The following BLTP3A variants were observed in gnomAD, a reference collection of about 807,000 sequenced individuals.
BLTP3A encodes bridge-like lipid transfer protein family member 3A.
chr6:34,839,289 C>G, the BLTP3A span, among the ~76,000 whole-genome samples: 1 of 152,166 alleles, frequency 6.6e-6, no homozygotes, highest in Non-Finnish European at 1.5e-5. Context: ...TCTCAGCCTA[C>G]CATACCCGGG....
At chr6:34,808,203 C>T in the BLTP3A span, among the ~76,000 whole-genome samples, 2 of 151,162 alleles carry the variant, frequency 1.3e-5, no homozygotes, top group Admixed American at 6.6e-5. Flanking sequence ...ATTAGCTGGG[C>T]GTGGTGGCGG....
chr6:34,841,465 T>C, the BLTP3A span, among the ~76,000 whole-genome samples: 2 of 152,260 alleles, frequency 1.3e-5, no homozygotes, highest in Non-Finnish European at 2.9e-5. Flanking sequence ...AAATGAAAAT[T>C]ACAATTAAAA....
the BLTP3A span, among the ~76,000 whole-genome samples, chr6:34,818,860 A>G: frequency 2.0e-5 from 3 of 152,218 alleles, no homozygotes; most frequent in Non-Finnish European, 2.9e-5. Flanking sequence ...AGTACTTTAG[A>G]AAAAAATTGC....
At chr6:34,839,904 G>A in the BLTP3A span, among the ~76,000 whole-genome samples, 18 of 152,232 alleles carry the variant, frequency 1.2e-4, no homozygotes, top group Non-Finnish European at 1.9e-4. Context: ...CTGTCTGGGC[G>A]CCAGCGCCTG....
At chr6:34,819,344 C>T in the BLTP3A span, among the ~76,000 whole-genome samples, 1 of 144,048 alleles carries the variant, frequency 6.9e-6, no homozygotes, top group African/African-American at 2.6e-5. Flanking sequence ...GTGATATTCC[C>T]CTTCCTGTTT....
At chr6:34,854,050 C>T in the BLTP3A span, among the ~76,000 whole-genome samples, 13 of 151,910 alleles carry the variant, frequency 8.6e-5, no homozygotes, top group Admixed American at 6.6e-4. Flanking sequence ...GGTGAAACCC[C>T]GTCTCTACTA....
the BLTP3A span, among the ~76,000 whole-genome samples, chr6:34,826,340 A>G: frequency 1.3e-5 from 2 of 149,636 alleles, no homozygotes; most frequent in Admixed American, 1.3e-4. Context: ...TTTACATGTT[A>G]CATGTTTTAC....
the BLTP3A span, chr6:34,834,956 C>A: frequency 8.2e-6 from 12 of 1,463,742 alleles, no homozygotes; most frequent in African/African-American, 1.6e-4. Context: ...ATGTTATTGG[C>A]CCTGGAATGA....
At chr6:34,844,443 T>G in the BLTP3A span, among the ~76,000 whole-genome samples, 6 of 152,190 alleles carry the variant, frequency 3.9e-5, no homozygotes, top group Non-Finnish European at 7.4e-5. Flanking sequence ...ACAGACTAAT[T>G]TTTGTATTTT....
At chr6:34,858,134 C>T in the BLTP3A span, 1 of 1,611,236 alleles carries the variant, frequency 6.2e-7, no homozygotes, top group East Asian at 2.2e-5. Context: ...GTGAGCTTTC[C>T]ACTGGAAAAG....
chr6:34,846,087 CCCCTCCCCTCCCCT>C, the BLTP3A span, among the ~76,000 whole-genome samples: 5 of 76,360 alleles, frequency 6.5e-5, no homozygotes, highest in African/African-American at 1.0e-4. Context: ...TCCCTCCCCT[CCCCTCCCCTCCCCT>C]CCCCTCCCCT....
chr6:34,800,073 A>T, the BLTP3A span, among the ~76,000 whole-genome samples: 1 of 151,746 alleles, frequency 6.6e-6, no homozygotes, highest in East Asian at 1.9e-4. Context: ...GTTCCTATTT[A>T]TCTTTTTTTT....
the BLTP3A span, chr6:34,821,425 G>C: frequency 8.2e-6 from 4 of 490,452 alleles, no homozygotes; most frequent in South Asian, 2.8e-5. Context: ...GAGATGGTGT[G>C]GTCTGAGTGC....
the BLTP3A span, among the ~76,000 whole-genome samples, chr6:34,849,821 A>C: frequency 6.6e-6 from 1 of 152,136 alleles, no homozygotes; most frequent in African/African-American, 2.4e-5. Flanking sequence ...GCATATTTTC[A>C]TGGATATACT....
chr6:34,802,553 G>A, the BLTP3A span, among the ~76,000 whole-genome samples: 4 of 152,068 alleles, frequency 2.6e-5, no homozygotes, highest in East Asian at 5.8e-4. Flanking sequence ...TAGAGATGGG[G>A]TTTCACCATG....
the BLTP3A span, among the ~76,000 whole-genome samples, chr6:34,842,993 TA>T: frequency 6.6e-6 from 1 of 152,336 alleles, no homozygotes; most frequent in African/African-American, 2.4e-5. Context: ...TTTATTTATT[TA>T]TTTTTTTGAA....
At chr6:34,866,422 AAAG>A in the BLTP3A span, among the ~76,000 whole-genome samples, 2 of 152,134 alleles carry the variant, frequency 1.3e-5, no homozygotes, top group Non-Finnish European at 2.9e-5. Flanking sequence ...GAAAAAAAAA[AAAG>A]AACTCGTGGC....
chr6:34,834,179 C>G, the BLTP3A span: 2 of 1,597,344 alleles, frequency 1.3e-6, no homozygotes, highest in Non-Finnish European at 8.6e-7. Context: ...AGAAAGTCTC[C>G]CATAATTCTG....
chr6:34,816,536 C>T, the BLTP3A span, among the ~76,000 whole-genome samples: 4 of 152,074 alleles, frequency 2.6e-5, no homozygotes, highest in African/African-American at 9.7e-5. Flanking sequence ...CACTTGAGCC[C>T]CAGGAGGTCG....
Sources: gnomAD v4.1 joint callset for allele counts (sites outside exome capture counted in the v4.1 genomes callset) on GRCh38, gnomAD v4.1.1 for gene constraint, MANE v1.5 for transcripts, NCBI Gene and HGNC (gene_info 2026-07-23, HGNC 2026-07-21) for gene names.